Variants in DCDC2 observed in about 807,000 individuals in gnomAD.
DCDC2 encodes the protein doublecortin domain containing 2.
DCDC2 carries 40 observed loss-of-function variants against 50.2 expected under a neutral mutation model. The ratio of observed to expected loss-of-function variants is 0.80; its 90% CI spans 0.62 to 1.04. DCDC2 has a LOEUF of 1.04. Among genes scored for constraint, DCDC2 ranks in the 50% least tolerant of loss-of-function variants. DCDC2 has a pLI of 0.00. For missense variants in DCDC2, 570 were observed against 581.9 expected, an observed-to-expected ratio of 0.98 and a Z score of 0.21; for synonymous variants, 234 against 210.6, an observed-to-expected ratio of 1.11 and a Z score of -0.96.
At chr6:24,188,920 C>G (rs1237186923) in intron 8 of DCDC2, among the ~76,000 whole-genome samples, 4 of 151,970 alleles carry the variant, frequency 2.6e-5, no homozygotes, top group Admixed American at 2.0e-4. Flanking sequence ...ACTAGATTAA[C>G]GGGCATGTTA....
chr6:24,350,786 T>A lies in DCDC2; in HGVS notation c.348+2783A>T, dbSNP rs559642515. Among the ~76,000 whole-genome samples, 150 of 152,276 alleles carry A rather than the reference T, an allele frequency of 9.9e-4. 3 individuals are homozygous for A. In the South Asian group the frequency reaches 0.016, roughly 16 times the overall value. On this transcript the variant is annotated intron_variant, in intron 2 of 9. Transcript: ENST00000378454. ...ATCATCATACTCCAAAGAATGCTCATCCTTAATAGCACTTAACAAGATGTG... is the reference window on the plus strand; with the variant it reads ...ATCATCATACTCCAAAGAATGCTCAACCTTAATAGCACTTAACAAGATGTG...
At chr6:24,371,488 G>C in the DCDC2 span, among the ~76,000 whole-genome samples, 1 of 151,952 alleles carries the variant, frequency 6.6e-6, no homozygotes, top group East Asian at 1.9e-4. Flanking sequence ...CATGCCTGTA[G>C]CCTAGGCTAC....
chr6:24,316,113 T>A (rs1759655460), intron 2 of DCDC2, among the ~76,000 whole-genome samples: 1 of 152,172 alleles, frequency 6.6e-6, no homozygotes, highest in Non-Finnish European at 1.5e-5. Context: ...GAGTTCAGTC[T>A]TGGACATTAC....
At position 24,357,812 on chromosome 6, in the gene DCDC2, A is replaced by C; in HGVS notation, c.-62T>G. Reference sequence around the variant, plus strand: ...CGTCGGGAGGCACCTCCGCTGTCCCAGCGGCCTCACCGCACCCAGGGCGCG... The same window carrying C: ...CGTCGGGAGGCACCTCCGCTGTCCCCGCGGCCTCACCGCACCCAGGGCGCG... On this transcript the variant is annotated 5_prime_UTR_variant, in exon 1 of 10. Coordinates refer to ENST00000378454, the MANE Select transcript of DCDC2 (RefSeq NM_016356.5). 6.2e-7 allele frequency: 1 copy of C among 1,607,952 alleles called. No homozygotes were observed. Among genetic ancestry groups the C allele is most frequent in the Non-Finnish European group, 8.5e-7 (1 of 1,176,332 alleles).
chr6:24,209,490 T>G (rs79295161), intron 7 of DCDC2, among the ~76,000 whole-genome samples: 2,185 of 152,272 alleles, frequency 0.014, 54 homozygotes, highest in African/African-American at 0.048. Flanking sequence ...GGGATTTTCA[T>G]AAAAACAGGA....
chr6:24,178,658 T>A, intron 8 of DCDC2, 26 bp from the exon 9 acceptor site: 5 of 1,594,076 alleles, frequency 3.1e-6, no homozygotes, highest in Non-Finnish European at 4.3e-6. Flanking sequence ...GAATAATGGA[T>A]AAAAGTAAGA....
At chr6:24,289,045 CAT>C (rs1763680529) in intron 5 of DCDC2, 139 bp from the exon 6 acceptor site, 1 of 565,542 alleles carries the variant, frequency 1.8e-6, no homozygotes, top group African/African-American at 1.9e-5. Context: ...CACTTTAACA[CAT>C]ACTTTCCCAA....
At chr6:24,220,863 A>AGAGAGCGAGAGAGACAGAGAGC (rs1374014369) in intron 7 of DCDC2, among the ~76,000 whole-genome samples, 3 of 12,856 alleles carry the variant, frequency 2.3e-4, no homozygotes, top group Non-Finnish European at 4.3e-4. Flanking sequence ...GGAGAGAGAC[A>AGAGAGCGAGAGAGACAGAGAGC]GAGAGCAAGA....
At chr6:24,313,444 A>G (rs1211754993) in intron 2 of DCDC2, among the ~76,000 whole-genome samples, 1 of 152,176 alleles carries the variant, frequency 6.6e-6, no homozygotes, top group Non-Finnish European at 1.5e-5. Context: ...TTAACTTACT[A>G]CACCATACTT....
intron 8 of DCDC2, among the ~76,000 whole-genome samples, chr6:24,189,682 C>T (rs2113749574): frequency 6.6e-6 from 1 of 152,232 alleles, no homozygotes; most frequent in African/African-American, 2.4e-5. Context: ...CCTGTCTCAC[C>T]ACCCAACCCT....
At chr6:24,321,287 G>A (rs370793442) in intron 2 of DCDC2, among the ~76,000 whole-genome samples, 1 of 152,132 alleles carries the variant, frequency 6.6e-6, no homozygotes, top group East Asian at 1.9e-4. Flanking sequence ...AAATTTGTGG[G>A]TGAAACTATG....
intron 8 of DCDC2, among the ~76,000 whole-genome samples, chr6:24,180,021 G>A (rs1761031751): frequency 6.6e-6 from 1 of 151,130 alleles, no homozygotes; most frequent in Non-Finnish European, 1.5e-5. Flanking sequence ...CCAAGACTTT[G>A]GAGAAAAACC....
chr6:24,369,567 G>A, the DCDC2 span, among the ~76,000 whole-genome samples: 72 of 151,492 alleles, frequency 4.8e-4, no homozygotes, highest in African/African-American at 1.6e-3. Flanking sequence ...CCGAGATCGC[G>A]CCGCTGCACT....
chr6:24,298,226 G>A (rs952616159), intron 4 of DCDC2, among the ~76,000 whole-genome samples: 1 of 152,210 alleles, frequency 6.6e-6, no homozygotes. Flanking sequence ...GATCTGACAG[G>A]GGGTGGAGTG....
intron 6 of DCDC2, among the ~76,000 whole-genome samples, chr6:24,280,745 G>C (rs1763452265): frequency 6.6e-6 from 1 of 152,008 alleles, no homozygotes; most frequent in African/African-American, 2.4e-5. Context: ...TCACCATGTT[G>C]ACCAGGCTGA....
At chr6:24,285,207 A>C (rs565585175) in intron 6 of DCDC2, among the ~76,000 whole-genome samples, 64 of 152,290 alleles carry the variant, frequency 4.2e-4, no homozygotes, top group Middle Eastern at 6.8e-3. Context: ...ACAGGGTGCT[A>C]CGGGAACACT....
At chr6:24,369,668 A>G in the DCDC2 span, among the ~76,000 whole-genome samples, 4 of 152,346 alleles carry the variant, frequency 2.6e-5, no homozygotes, top group African/African-American at 7.2e-5. Flanking sequence ...GGAAAATGAA[A>G]TAAAGAAAAA....
intron 6 of DCDC2, among the ~76,000 whole-genome samples, chr6:24,287,896 G>A (rs543270566): frequency 1.3e-5 from 2 of 152,148 alleles, no homozygotes; most frequent in Non-Finnish European, 2.9e-5. Flanking sequence ...TTGCTTGAGG[G>A]CAAGAGCTCT....
At chr6:24,199,661 G>C (rs1279225370) in intron 8 of DCDC2, among the ~76,000 whole-genome samples, 5 of 152,180 alleles carry the variant, frequency 3.3e-5, no homozygotes, top group African/African-American at 1.2e-4. Context: ...TGGAGAATGA[G>C]TTTGATGAAT....
Sources: allele counts gnomAD v4.1 joint callset (sites outside exome capture counted in the v4.1 genomes callset), GRCh38; gene constraint gnomAD v4.1.1; transcripts MANE v1.5; gene names NCBI Gene and HGNC (gene_info 2026-07-23, HGNC 2026-07-21).